The following ARIH1 variants were observed in gnomAD, a reference collection of about 807,000 sequenced individuals.
ARIH1 encodes ariadne RBR E3 ubiquitin protein ligase 1.
In ARIH1, 8 loss-of-function variants were observed where a neutral mutation model predicts 85.0. The observed-to-expected ratio is 0.09, with a 90% CI of 0.06 to 0.17. ARIH1 has a LOEUF of 0.17. Among genes scored for constraint, ARIH1 ranks in the 10% least tolerant of loss-of-function variants. The probability of loss-of-function intolerance (pLI) is 1.00; values close to 1 mark genes in which losing one functional copy is unlikely to be tolerated. For synonymous variants in ARIH1, 238 were observed against 253.6 expected (o/e 0.94, Z 0.59); for missense variants, 311 against 718.1 (o/e 0.43, Z 6.48).
intron 1 of ARIH1, among the ~76,000 whole-genome samples, chr15:72,486,131 C>G (rs1214074190): frequency 1.3e-5 from 2 of 151,998 alleles, no homozygotes; most frequent in Non-Finnish European, 2.9e-5. Context: ...TTGTCATTCA[C>G]CTAGTGATAG....
intron 1 of ARIH1, among the ~76,000 whole-genome samples, chr15:72,493,879 T>C (rs2063869261): frequency 1.2e-5 from 1 of 82,120 alleles, no homozygotes; most frequent in South Asian, 7.7e-4. Context: ...TAAAGGATTT[T>C]AAATTTTTTA....
chr15:72,481,559 C>T (rs1595847522), intron 1 of ARIH1, among the ~76,000 whole-genome samples: 1 of 151,960 alleles, frequency 6.6e-6, no homozygotes. Flanking sequence ...GTGGCCTGTG[C>T]CTGTAATCCC....
At position 72,586,618 on chromosome 15, in the gene ARIH1, C is replaced by A. The variant is rs898679007; in HGVS notation, c.*3326C>A. ...AATGACTAAAGGTGGCTAATAGCCA[C>A]CCGTATTATGTGCCTTATTCACTGT... On this transcript the variant is annotated 3_prime_UTR_variant, in exon 14 of 14. Transcript: ENST00000379887. 2.0e-5 allele frequency: 3 copies of A among 152,038 alleles called. No individual in the cohort carries two copies. The highest frequency in any genetic ancestry group is 7.2e-5 in the African/African-American group (3 of 41,404). The allele number at this position is 152,038 out of a possible 1,614,324, so 9.4% of individuals were successfully genotyped here.
chr15:72,477,724 T>C (rs569160081), intron 1 of ARIH1, among the ~76,000 whole-genome samples: 4 of 152,332 alleles, frequency 2.6e-5, no homozygotes, highest in South Asian at 2.1e-4. Flanking sequence ...AATTAAACTT[T>C]ATTTAATTTG....
chr15:72,577,175 G>T (rs926807850), intron 11 of ARIH1, among the ~76,000 whole-genome samples: 1 of 151,326 alleles, frequency 6.6e-6, no homozygotes, highest in Admixed American at 6.6e-5. Context: ...AGTAGAGACG[G>T]GATTTCATCA....
rs779772279 is a variant in ARIH1 at position 72,582,220 on chromosome 15, T to C, written c.1589+33T>C. ...TTTTTTAAGCTGTTGAATAAAACTT[T>C]CTGCCAGTGATGATCCTTACTGGTA... On this transcript the variant is annotated intron_variant, in intron 13 of 13. Coordinates refer to ENST00000379887, the MANE Select transcript of ARIH1 (RefSeq NM_005744.5). This position sits in a 1 kb window ranked among gnomAD's most constrained non-coding sequence, Gnocchi z 4.6. 5.4e-6 allele frequency: 8 copies of C among 1,468,392 alleles called. No homozygotes were observed. Among genetic ancestry groups the C allele is most frequent in the African/African-American group, 1.4e-5 (1 of 71,640 alleles). The allele number at this position is 1,468,392 out of a possible 1,614,324, so 91.0% of individuals were successfully genotyped here.
In ARIH1 at chr15:72,500,197, G is replaced by A. The variant is rs549442819; in HGVS notation, c.376-17870G>A. Among the ~76,000 whole-genome samples, 29 of 151,798 alleles carry A rather than the reference G, an allele frequency of 1.9e-4. No individual in the cohort carries two copies. The South Asian group carries it at 5.6e-3, about 29-fold the overall frequency. On this transcript the variant is annotated intron_variant, in intron 1 of 13. Transcript: ENST00000379887. Reference sequence around the variant, plus strand: ...CAACCTCCACCTCCTGTGTTCAAGCGATTTCTCCTGCCTCAGCCTCCCGAG... The same window carrying A: ...CAACCTCCACCTCCTGTGTTCAAGCAATTTCTCCTGCCTCAGCCTCCCGAG...
rs1241636996 is a variant in ARIH1, at chr15:72,586,746, C to T, written c.*3454C>T. On this transcript the variant is annotated 3_prime_UTR_variant, in exon 14 of 14. Transcript: ENST00000379887. ...AACTTGGTTAATGAAGCTTTCAGAGCATTTTCTGAAAGATTTCCAATTTCT... is the reference window on the plus strand; with the variant it reads ...AACTTGGTTAATGAAGCTTTCAGAGTATTTTCTGAAAGATTTCCAATTTCT... 1.3e-5 allele frequency: 2 copies of T among 154,038 alleles called. No individual in the cohort carries two copies. Among genetic ancestry groups the T allele is most frequent in the Non-Finnish European group, 2.9e-5 (2 of 69,496 alleles). The allele number at this position is 154,038 out of a possible 1,614,324, so 9.5% of individuals were successfully genotyped here.
At chr15:72,508,154 AGG>A (rs1312578010) in intron 1 of ARIH1, among the ~76,000 whole-genome samples, 1 of 152,232 alleles carries the variant, frequency 6.6e-6, no homozygotes, top group Non-Finnish European at 1.5e-5. Context: ...CAGAATGGAC[AGG>A]GGTGGGTGGT....
At chr15:72,530,020 G>A (rs1231627989) in intron 2 of ARIH1, among the ~76,000 whole-genome samples, 1 of 152,082 alleles carries the variant, frequency 6.6e-6, no homozygotes, top group Non-Finnish European at 1.5e-5. Flanking sequence ...TAACTATCCA[G>A]GTAAAAGGAA....
intron 2 of ARIH1, among the ~76,000 whole-genome samples, chr15:72,536,066 A>G (rs1246335594): frequency 6.6e-6 from 1 of 152,190 alleles, no homozygotes; most frequent in Non-Finnish European, 1.5e-5. Context: ...AAACTGAAAT[A>G]GTCATAAGCC....
rs561062659 is a variant in ARIH1, at chr15:72,484,630, CAT to C, written c.375+9631_375+9632del. On this transcript the variant is annotated intron_variant, in intron 1 of 13. Transcript: ENST00000379887. ...CTTTTATGGCTGAGTAGTATTCCAT[CAT>C]ATATATATATATATGTGTATATATA... is the stretch of plus-strand genomic sequence containing the variant. Among the ~76,000 whole-genome samples the C allele has an allele frequency of 4.9e-3, 722 of 147,656 alleles. 2 individuals carry two copies. Among genetic ancestry groups the C allele is most frequent in the South Asian group, 0.018 (83 of 4,692 alleles).
At chr15:72,519,380 A>G (rs2063988669) in intron 2 of ARIH1, among the ~76,000 whole-genome samples, 1 of 151,328 alleles carries the variant, frequency 6.6e-6, no homozygotes, top group Non-Finnish European at 1.5e-5. Context: ...CTCAAAACAA[A>G]CACATACTGT....
intron 1 of ARIH1, among the ~76,000 whole-genome samples, chr15:72,476,164 T>C (rs1044596252): frequency 3.9e-5 from 6 of 152,276 alleles, no homozygotes; most frequent in African/African-American, 1.4e-4. Flanking sequence ...TGTCAACTCG[T>C]TGACTTTCTA....
At chr15:72,574,774 T>C (rs1313684924) in intron 11 of ARIH1, among the ~76,000 whole-genome samples, 1 of 152,134 alleles carries the variant, frequency 6.6e-6, no homozygotes, top group Non-Finnish European at 1.5e-5. Flanking sequence ...CTGTTCCAAG[T>C]AAATTTTATT....
intron 1 of ARIH1, among the ~76,000 whole-genome samples, chr15:72,492,990 C>G (rs1193370362): frequency 6.6e-6 from 1 of 152,080 alleles, no homozygotes; most frequent in East Asian, 1.9e-4. Context: ...TGGAAGGATC[C>G]TAATGGTTAT....
rs375670554 is a variant in ARIH1, at chr15:72,506,210, C to T, written c.376-11857C>T. Among the ~76,000 whole-genome samples the T allele has an allele frequency of 4.9e-3, 743 of 151,898 alleles. 9 individuals carry two copies. Among genetic ancestry groups the T allele is most frequent in the African/African-American group, 0.017 (710 of 41,484 alleles). On this transcript the variant is annotated intron_variant, in intron 1 of 13. Transcript: ENST00000379887. Reference sequence around the variant, plus strand: ...AAAAAATACAAAAATATTAGCCAGGCGTGGTGGTGGGCACCTGTAATCCCA... The same window carrying T: ...AAAAAATACAAAAATATTAGCCAGGTGTGGTGGTGGGCACCTGTAATCCCA...
At chr15:72,566,692 C>CT in intron 8 of ARIH1, 87 bp downstream of exon 8, 3 of 1,187,986 alleles carry the variant, frequency 2.5e-6, no homozygotes, top group East Asian at 2.4e-5. Context: ...ATTTTGTTAT[C>CT]TATCTATTGA....
rs769105916 is a variant in ARIH1, at chr15:72,587,247, T to A, written c.*3955T>A. 3 of 528,700 alleles carry A rather than the reference T, an allele frequency of 5.7e-6. No homozygotes were observed. The highest frequency in any genetic ancestry group is 4.2e-5 in the South Asian group (3 of 70,772). The allele number at this position is 528,700 out of a possible 1,614,324, so 32.8% of individuals were successfully genotyped here. A position where few individuals can be genotyped will look rare whatever the true frequency, so the allele number is the denominator to read the frequency against. On this transcript the variant is annotated 3_prime_UTR_variant, in exon 14 of 14. Coordinates refer to ENST00000379887, the MANE Select transcript of ARIH1 (RefSeq NM_005744.5). Reference sequence around the variant, plus strand: ...AACATCATGCTACCTCTTTGTATCATATTTTGTTATTCTGGTCACAGAATG... The same window carrying A: ...AACATCATGCTACCTCTTTGTATCAAATTTTGTTATTCTGGTCACAGAATG...
Sources: allele counts gnomAD v4.1 joint callset (sites outside exome capture counted in the v4.1 genomes callset), GRCh38; gene constraint gnomAD v4.1.1; non-coding constraint Gnocchi (gnomAD v3.1); transcripts MANE v1.5; gene names NCBI Gene and HGNC (gene_info 2026-07-23, HGNC 2026-07-21).